ATP10B: variants seen among roughly 807,000 people sequenced by gnomAD.
ATP10B encodes the protein ATPase phospholipid transporting 10B (putative).
ATP10B carries 122 observed loss-of-function variants against 141.2 expected under a neutral mutation model. The ratio of observed to expected loss-of-function variants is 0.86; its 90% CI spans 0.75 to 1.00. The LOEUF (loss-of-function observed/expected upper bound fraction) is 1.00, where lower values mean the gene tolerates loss of function less well. Ranked by LOEUF, ATP10B falls within the 50% of genes least tolerant of loss-of-function variation. The pLI, the probability that ATP10B is intolerant of heterozygous loss-of-function variation, is 0.00. For missense variants in ATP10B, 1,876 were observed against 1,825.3 expected (o/e 1.03, Z -0.51); for synonymous variants, 685 against 692.0 (o/e 0.99, Z 0.16).
At chr5:160,918,282 A>C in the ATP10B span, among the ~76,000 whole-genome samples, 4 of 152,204 alleles carry the variant, frequency 2.6e-5, no homozygotes, top group Non-Finnish European at 5.9e-5. Context: ...AGTGGCAATA[A>C]ACTATATCAA....
chr5:160,854,816 C>T (rs1048993815), upstream of ATP10B, among the ~76,000 whole-genome samples: 1 of 152,156 alleles, frequency 6.6e-6, no homozygotes. Context: ...TGTGCCAGCA[C>T]CATGTTAAGT....
intron 1 of ATP10B, among the ~76,000 whole-genome samples, chr5:160,843,565 C>A (rs1381125535): frequency 6.6e-6 from 1 of 151,124 alleles, no homozygotes; most frequent in African/African-American, 2.4e-5. Flanking sequence ...GCTTACCATG[C>A]AACTTAAAAG....
intron 1 of ATP10B, among the ~76,000 whole-genome samples, chr5:160,809,958 T>C (rs1171859191): frequency 6.6e-6 from 1 of 152,186 alleles, no homozygotes; most frequent in Non-Finnish European, 1.5e-5. Context: ...ATGTGATAAA[T>C]TGTATGTCTT....
chr5:160,697,332 A>C (rs190442269), intron 3 of ATP10B, among the ~76,000 whole-genome samples: 37 of 152,282 alleles, frequency 2.4e-4, no homozygotes, highest in Non-Finnish European at 5.3e-4. Context: ...CTTATTCTGC[A>C]GTGGAGTTTG....
chr5:160,820,986 C>T (rs1581598886), intron 1 of ATP10B, among the ~76,000 whole-genome samples: 1 of 152,052 alleles, frequency 6.6e-6, no homozygotes, highest in African/African-American at 2.4e-5. Flanking sequence ...TGTAACAAGA[C>T]AAGGATGTCT....
Position 160,730,167 on chromosome 5 carries a change from C to T in ATP10B, c.-330-13133G>A, listed in dbSNP as rs553539177. Among the ~76,000 whole-genome samples the T allele has an allele frequency of 2.0e-5, 3 of 152,146 alleles. No homozygotes were observed. The East Asian group carries it at 5.8e-4, about 29-fold the overall frequency. ...AATCATATAATGCTGACAAAGCCCA[C>T]AGTGAGTTTACCTATTCTTGTTCTA... On this transcript the variant is annotated intron_variant, in intron 2 of 25. Coordinates refer to ENST00000327245, the MANE Select transcript of ATP10B (RefSeq NM_025153.3).
chr5:160,914,643 G>A, the ATP10B span, among the ~76,000 whole-genome samples: 6 of 152,138 alleles, frequency 3.9e-5, no homozygotes, highest in African/African-American at 1.4e-4. Flanking sequence ...ATTCATGGAT[G>A]TGGAACCTGC....
intron 24 of ATP10B, among the ~76,000 whole-genome samples, chr5:160,588,339 G>T (rs998018058): frequency 8.5e-5 from 13 of 152,150 alleles, no homozygotes; most frequent in African/African-American, 2.7e-4. Flanking sequence ...CCTTTGAGTG[G>T]CTCTTATCAG....
At chr5:160,592,976 T>A (rs1756426055) in intron 22 of ATP10B, among the ~76,000 whole-genome samples, 1 of 152,232 alleles carries the variant, frequency 6.6e-6, no homozygotes, top group Admixed American at 6.5e-5. Context: ...AGGCTCCACC[T>A]CTGGGGGCAG....
At chr5:160,746,558 A>G (rs771315462) in intron 2 of ATP10B, among the ~76,000 whole-genome samples, 41 of 151,654 alleles carry the variant, frequency 2.7e-4, no homozygotes, top group Admixed American at 5.3e-4. Flanking sequence ...CGCCCAGCTA[A>G]TTTTGGTATT....
At chr5:160,824,123 A>G (rs1283444854) in intron 1 of ATP10B, among the ~76,000 whole-genome samples, 10 of 151,654 alleles carry the variant, frequency 6.6e-5, no homozygotes, top group African/African-American at 2.4e-4. Context: ...CTGGGTTCAC[A>G]CCATTCTCCT....
chr5:160,771,381 T>A (rs1769888075), intron 2 of ATP10B, among the ~76,000 whole-genome samples: 1 of 152,208 alleles, frequency 6.6e-6, no homozygotes. Context: ...AAGTGCTGGC[T>A]GAAGAGTCTT....
chr5:160,750,559 G>GAGACAAAC (rs1241919198), intron 2 of ATP10B, among the ~76,000 whole-genome samples: 3 of 151,570 alleles, frequency 2.0e-5, no homozygotes, highest in East Asian at 3.9e-4. Context: ...TCTCATCCAT[G>GAGACAAAC]ACCCACACTG....
At chr5:160,603,485 A>G (rs1366040713) in intron 20 of ATP10B, 1 of 166,330 alleles carries the variant, frequency 6.0e-6, no homozygotes, top group Non-Finnish European at 1.3e-5. Context: ...AGTGTGTTCT[A>G]TGTGTAGCCC....
At chr5:160,773,387 T>C (rs185589222) in intron 2 of ATP10B, among the ~76,000 whole-genome samples, 2 of 152,238 alleles carry the variant, frequency 1.3e-5, no homozygotes, top group East Asian at 3.9e-4. Flanking sequence ...ACCAGCCACA[T>C]GCATATTTTA....
At chr5:160,779,743 TAAG>T (rs1346545985) in intron 2 of ATP10B, among the ~76,000 whole-genome samples, 1 of 152,240 alleles carries the variant, frequency 6.6e-6, no homozygotes, top group Non-Finnish European at 1.5e-5. Flanking sequence ...ATTATTCTTT[TAAG>T]GCAGTTAATT....
upstream of ATP10B, among the ~76,000 whole-genome samples, chr5:160,854,099 G>A (rs993352477): frequency 6.6e-6 from 1 of 152,038 alleles, no homozygotes; most frequent in Non-Finnish European, 1.5e-5. Context: ...TCCCATCCCC[G>A]ACACCAGTAC....
intron 24 of ATP10B, among the ~76,000 whole-genome samples, chr5:160,578,703 C>A (rs1755353007): frequency 6.6e-6 from 1 of 152,174 alleles, no homozygotes; most frequent in Non-Finnish European, 1.5e-5. Context: ...TGGGTATATA[C>A]CCAGTAATGG....
intron 1 of ATP10B, among the ~76,000 whole-genome samples, chr5:160,838,440 T>C (rs1223850455): frequency 6.6e-6 from 1 of 152,186 alleles, no homozygotes; most frequent in African/African-American, 2.4e-5. Context: ...CAAATCCCAT[T>C]CCACTTCTGT....
Sources: allele counts gnomAD v4.1 joint callset (sites outside exome capture counted in the v4.1 genomes callset), GRCh38; gene constraint gnomAD v4.1.1; transcripts MANE v1.5; gene names NCBI Gene and HGNC (gene_info 2026-07-23, HGNC 2026-07-21).